ADH5: variants seen among roughly 807,000 people sequenced by gnomAD.
ADH5 encodes alcohol dehydrogenase class-3.
Under a neutral mutation model 40.3 loss-of-function variants are expected in ADH5, and 32 were observed. The observed-to-expected ratio is 0.79, with a 90% CI of 0.60 to 1.07. ADH5 has a LOEUF of 1.07. Ranked by LOEUF, ADH5 falls within the 50% of genes least tolerant of loss-of-function variation. The pLI is 0.00. For missense variants in ADH5, 353 were observed against 460.5 expected (o/e 0.77, Z 2.14); for synonymous variants, 125 against 154.3 (o/e 0.81, Z 1.41).
At chr4:99,082,141 T>A in intron 2 of ADH5, 25 bp from the exon 3 acceptor site, 11 of 1,609,276 alleles carry the variant, frequency 6.8e-6, no homozygotes, top group Non-Finnish European at 9.3e-6. Flanking sequence ...AAACAACGAA[T>A]GTGTAAGTAT....
intron 2 of ADH5, among the ~76,000 whole-genome samples, chr4:99,084,322 C>T (rs1326747533): frequency 1.3e-5 from 2 of 152,134 alleles, no homozygotes; most frequent in Non-Finnish European, 2.9e-5. Context: ...CAGCAAAAAC[C>T]CATCAAAACC....
chr4:99,086,394 T>C (rs922251755), intron 1 of ADH5, among the ~76,000 whole-genome samples: 3 of 152,204 alleles, frequency 2.0e-5, no homozygotes, highest in East Asian at 3.9e-4. Flanking sequence ...TTGAGAAATG[T>C]GTGGACAGAC....
At chr4:99,075,122 C>A in intron 6 of ADH5, 73 bp from the exon 7 acceptor site, 1 of 1,326,794 alleles carries the variant, frequency 7.5e-7, no homozygotes. Flanking sequence ...GGCGAAACTT[C>A]TAGAGATGGC....
intron 4 of ADH5, among the ~76,000 whole-genome samples, chr4:99,077,596 C>T (rs1727953660): frequency 6.6e-6 from 1 of 152,132 alleles, no homozygotes; most frequent in African/African-American, 2.4e-5. Context: ...AAACCATTAA[C>T]CAGATCAACT....
intron 1 of ADH5, among the ~76,000 whole-genome samples, chr4:99,088,139 G>A (rs1361499264): frequency 6.6e-6 from 1 of 152,194 alleles, no homozygotes; most frequent in Non-Finnish European, 1.5e-5. Context: ...GTGAGGACTA[G>A]AGGGAATATA....
Position 99,072,621 on chromosome 4 carries a change from G to C in ADH5, c.1052C>G (p.Ser351Cys). 1 of 1,613,546 alleles carries C rather than the reference G, an allele frequency of 6.2e-7. No individual in the cohort carries two copies. The highest frequency in any genetic ancestry group is 8.5e-7 in the Non-Finnish European group (1 of 1,179,746). The change falls in exon 8 of 9, where the codon TCT becomes TGT. Residue 351 changes from serine to cysteine, a missense_variant. Ser to Cys is a moderately radical substitution (Grantham distance 112). Coordinates refer to ENST00000296412, the MANE Select transcript of ADH5 (RefSeq NM_000671.4). ...AAAGGCTTTGTTGATTTCATCAAAAGACAGATTGTGAGTCACAAATTCATC... is the reference window on the plus strand; with the variant it reads ...AAAGGCTTTGTTGATTTCATCAAAACACAGATTGTGAGTCACAAATTCATC... ...KVDEFVTHNL[S>C]FDEINKAFEL...
chr4:99,081,217 T>C, intron 4 of ADH5, 148 bp downstream of exon 4: 1 of 637,588 alleles, frequency 1.6e-6, no homozygotes, highest in Non-Finnish European at 2.8e-6. Context: ...CTTGACTCTT[T>C]GTTCGGGACT....
intron 3 of ADH5, 131 bp from the exon 4 acceptor site, chr4:99,081,583 A>T: frequency 1.5e-6 from 1 of 656,838 alleles, no homozygotes; most frequent in South Asian, 2.0e-5. Context: ...AACTTTACCT[A>T]GGTAACATCA....
rs1403451329 is a variant in ADH5 at position 99,071,291 on chromosome 4, A to T, written c.*1126T>A. 6.6e-6 allele frequency: 1 copy of T among 152,260 alleles called. No homozygotes were observed. Among genetic ancestry groups the T allele is most frequent in the African/African-American group, 2.4e-5 (1 of 41,472 alleles). 9.4% of individuals were successfully genotyped at this position (152,260 alleles called of 1,614,324 possible). A position where few individuals can be genotyped will look rare whatever the true frequency, so the allele number is the denominator to read the frequency against. On this transcript the variant is annotated 3_prime_UTR_variant, in exon 9 of 9. Transcript: ENST00000296412. ...TTCACAAAAACTCACATTTACTTTG[A>T]AGAGCAATTTGGCAATGTCTATAAG...
chr4:99,081,478 G>C (rs758546287), intron 3 of ADH5, 26 bp from the exon 4 acceptor site: 2 of 1,470,018 alleles, frequency 1.4e-6, no homozygotes, highest in South Asian at 1.2e-5. Context: ...AAGACATCCT[G>C]AATAGGTAGT....
chr4:99,086,710 C>T (rs1252966941), intron 1 of ADH5, among the ~76,000 whole-genome samples: 2 of 151,650 alleles, frequency 1.3e-5, no homozygotes, highest in East Asian at 1.9e-4. Context: ...TTTGGGAGGC[C>T]GAGGCGGGCG....
At chr4:99,075,215 T>A in intron 6 of ADH5, 166 bp from the exon 7 acceptor site, 1 of 388,166 alleles carries the variant, frequency 2.6e-6, no homozygotes, top group Non-Finnish European at 3.8e-6. Context: ...ATATTTTAAT[T>A]TTTTTTGTTG....
In ADH5 at chr4:99,088,705, A is replaced by T. The variant is rs759597389; in HGVS notation, c.-5T>A. ...GGGCCCTACCTCGTTCGCCATGTTC[A>T]CGGATTCTGGTCGGCGCGGGGGGCT... On this transcript the variant is annotated 5_prime_UTR_variant, in exon 1 of 9. It removes the in-frame stop codon of an upstream open reading frame in the 5' UTR. Coordinates refer to ENST00000296412, the MANE Select transcript of ADH5 (RefSeq NM_000671.4). 5.1e-6 allele frequency: 8 copies of T among 1,583,578 alleles called. No individual in the cohort carries two copies. The highest frequency in any genetic ancestry group is 1.1e-5 in the South Asian group (1 of 89,362).
intron 4 of ADH5, among the ~76,000 whole-genome samples, chr4:99,079,223 C>T (rs1727982032): frequency 6.6e-6 from 1 of 152,202 alleles, no homozygotes; most frequent in Admixed American, 6.5e-5. Context: ...GCAGCATTAA[C>T]TGTAACCACC....
intron 1 of ADH5, among the ~76,000 whole-genome samples, chr4:99,086,528 A>G (rs1284394695): frequency 6.6e-6 from 1 of 152,218 alleles, no homozygotes; most frequent in Non-Finnish European, 1.5e-5. Flanking sequence ...TAAGAGTGTA[A>G]CTTTGCTTGG....
intron 1 of ADH5, among the ~76,000 whole-genome samples, chr4:99,086,037 A>AAAACAAACAAAT (rs1728128507): frequency 1.3e-5 from 2 of 150,712 alleles, no homozygotes; most frequent in Non-Finnish European, 3.0e-5. Context: ...ACATCGTCTC[A>AAAACAAACAAAT]AAACAAACAA....
chr4:99,085,645 GA>G, intron 1 of ADH5: 1 of 324,076 alleles, frequency 3.1e-6, no homozygotes, highest in Admixed American at 3.4e-5. Flanking sequence ...TGCAGGGTGG[GA>G]AGGAGGATTA....
chr4:99,083,638 G>T (rs962665431), intron 2 of ADH5, among the ~76,000 whole-genome samples: 6 of 147,426 alleles, frequency 4.1e-5, no homozygotes, highest in Non-Finnish European at 9.0e-5. Flanking sequence ...ATAAAAAGAC[G>T]TTATTTGGTC....
intron 7 of ADH5, among the ~76,000 whole-genome samples, chr4:99,073,413 C>T (rs946221923): frequency 4.6e-5 from 7 of 152,174 alleles, no homozygotes; most frequent in Middle Eastern, 6.3e-3. Context: ...CTCCTGACCT[C>T]GTGATCCACC....
Sources: allele counts gnomAD v4.1 joint callset (sites outside exome capture counted in the v4.1 genomes callset), GRCh38; gene constraint gnomAD v4.1.1; transcripts MANE v1.5; gene names NCBI Gene and HGNC (gene_info 2026-07-23, HGNC 2026-07-21).